PLSCR3: variants seen among roughly 807,000 people sequenced by gnomAD.
PLSCR3 encodes PL scramblase 3.
PLSCR3 carries 17 observed loss-of-function variants against 33.7 expected under a neutral mutation model. That is an observed-to-expected ratio of 0.50 (90% CI 0.35 to 0.76). The LOEUF (loss-of-function observed/expected upper bound fraction) is 0.76, where lower values mean the gene tolerates loss of function less well. Among genes scored for constraint, PLSCR3 ranks in the 30% least tolerant of loss-of-function variants. PLSCR3 has a pLI of 0.01. For synonymous variants in PLSCR3, 166 were observed against 166.0 expected (o/e 1.00, Z 0.00); for missense variants, 360 against 394.1 (o/e 0.91, Z 0.73).
rs375677967 is a variant in PLSCR3 at position 7,394,185 on chromosome 17, T to C, written c.-75A>G. The C allele has an allele frequency of 5.0e-6, 7 of 1,407,270 alleles. No homozygotes were observed. Among genetic ancestry groups the C allele is most frequent in the Non-Finnish European group, 7.0e-6 (7 of 995,536 alleles). The allele number at this position is 1,407,270 out of a possible 1,614,324, so 87.2% of individuals were successfully genotyped here. On this transcript the variant is annotated 5_prime_UTR_variant, in exon 2 of 8. Transcript: ENST00000619711. The surrounding 1 kb of genome is among the most constrained non-coding windows in gnomAD (Gnocchi z 5.3). The stretch of plus-strand genomic sequence containing the variant: ...CTGGAAGCGGAGGCAAACTCGGAGA[T>C]AGCCAGACAGACACAGAGACAGACA...
Position 7,390,746 on chromosome 17 carries a change from C to A in PLSCR3, c.719G>T (p.Trp240Leu), listed in dbSNP as rs200758933. The A allele has an allele frequency of 9.6e-5, 155 of 1,614,058 alleles. No individual in the cohort carries two copies. Among genetic ancestry groups the A allele is most frequent in the East Asian group, 2.5e-4 (11 of 44,896 alleles). ...SRSVGRISKQ[W>L]GGLVREALTD... Reference sequence around the variant, plus strand: ...GAGGGCTTCTCGGACCAGGCCCCCCCACTGCTTGCTGATGCGGCCCACACT... The same window carrying A: ...GAGGGCTTCTCGGACCAGGCCCCCCAACTGCTTGCTGATGCGGCCCACACT... The change falls in exon 7 of 8, where the codon TGG becomes TTG. Residue 240 changes from tryptophan (W) to leucine (L), a missense_variant. By Grantham distance (61) the Trp-to-Leu change is moderately conservative (BLOSUM62 -2). Transcript: ENST00000619711.
Position 7,393,124 on chromosome 17 carries a change from G to T in PLSCR3, c.507+20C>A. On this transcript the variant is annotated intron_variant, in intron 5 of 7. Coordinates refer to ENST00000619711, the MANE Select transcript of PLSCR3 (RefSeq NM_020360.4). ...CCGCCCCACCAAGGCCCGCCCTCCC[G>T]GCCCCCTCCCTCCGCCCACCTCCTG... 1.0e-5 allele frequency: 4 copies of T among 381,352 alleles called. No individual in the cohort carries two copies. The highest frequency in any genetic ancestry group is 1.5e-5 in the Non-Finnish European group (4 of 264,732). 23.6% of individuals were successfully genotyped at this position (381,352 alleles called of 1,614,324 possible).
Position 7,390,330 on chromosome 17 carries a change from G to T in PLSCR3, c.*55C>A. On this transcript the variant is annotated 3_prime_UTR_variant, in exon 8 of 8. Coordinates refer to ENST00000619711, the MANE Select transcript of PLSCR3 (RefSeq NM_020360.4). ...GCTGCCCAGAGGAGGGGCCAGGGCA[G>T]GTGACCATCTGGAGTTCTGGTCGAG... 1 of 1,359,240 alleles carries T rather than the reference G, an allele frequency of 7.4e-7. No individual in the cohort carries two copies. Among genetic ancestry groups the T allele is most frequent in the Non-Finnish European group, 1.0e-6 (1 of 986,646 alleles). 84.2% of individuals were successfully genotyped at this position (1,359,240 alleles called of 1,614,324 possible). A position where few individuals can be genotyped will look rare whatever the true frequency, so the allele number is the denominator to read the frequency against.
In PLSCR3 at chr17:7,391,923, C is replaced by T. The variant is rs1175887353; in HGVS notation, c.669+868G>A. On this transcript the variant is annotated intron_variant, in intron 6 of 7. Transcript: ENST00000619711. This position sits in a 1 kb window ranked among gnomAD's most constrained non-coding sequence, Gnocchi z 4.1. ...AGGGTCGGTCAGGTGCGGTGGCTCACGCCTGTAATCCCAGCACTTTGGGAG... is the reference window on the plus strand; with the variant it reads ...AGGGTCGGTCAGGTGCGGTGGCTCATGCCTGTAATCCCAGCACTTTGGGAG... 6.6e-6 allele frequency among the ~76,000 whole-genome samples: 1 copy of T among 152,206 alleles called. No individual in the cohort carries two copies. The highest frequency in any genetic ancestry group is 1.5e-5 in the Non-Finnish European group (1 of 68,040).
At chr17:7,393,427 C>T in intron 4 of PLSCR3, 40 bp downstream of exon 4, 20 of 1,613,624 alleles carry the variant, frequency 1.2e-5, no homozygotes, top group Non-Finnish European at 1.4e-5. Context: ...ACCATCCGGG[C>T]CACCATCATG....
chr17:7,390,853 C>T, intron 6 of PLSCR3, 58 bp from the exon 7 acceptor site: 1 of 1,566,938 alleles, frequency 6.4e-7, no homozygotes, highest in Non-Finnish European at 8.8e-7. Flanking sequence ...GTCTCACCTG[C>T]TCCAGTCTCA....
In PLSCR3 at chr17:7,391,465, C is replaced by T. The variant is rs1905691564; in HGVS notation, c.670-670G>A. 6.6e-6 allele frequency among the ~76,000 whole-genome samples: 1 copy of T among 152,218 alleles called. No individual in the cohort carries two copies. Among genetic ancestry groups the T allele is most frequent in the Admixed American group, 6.5e-5 (1 of 15,284 alleles). ...TCTCTGAGCCACACAGCAACAGGCT[C>T]TGCTGATGTGGGTAGTTACTCCCCG... On this transcript the variant is annotated intron_variant, in intron 6 of 7. Transcript: ENST00000619711. This position sits in a 1 kb window ranked among gnomAD's most constrained non-coding sequence, Gnocchi z 4.1.
Position 7,390,768 on chromosome 17 carries a change from CA to C in PLSCR3, c.696del (p.Ser232ArgfsTer33). On this transcript the variant is annotated frameshift_variant, in exon 7 of 8. Transcript: ENST00000619711. LOFTEE classifies it high-confidence loss of function. ...FEVKTRDESR[S>X]VGRISKQWGG... ...CCCCACTGCTTGCTGATGCGGCCCA[CA>C]CTGCGGGATTCATCCCGAGTCTTCA... is the stretch of plus-strand genomic sequence containing the variant. The C allele has an allele frequency of 6.2e-7, 1 of 1,614,146 alleles. No homozygotes were observed. The highest frequency in any genetic ancestry group is 2.2e-5 in the East Asian group (1 of 44,876).
Position 7,392,859 on chromosome 17 carries a change from G to A in PLSCR3, c.601C>T (p.Arg201Cys), listed in dbSNP as rs571730152. Residue 201 changes from arginine (R) to cysteine (C), a missense_variant, in exon 6 of 8, where the codon CGC becomes TGC. By Grantham distance (180) the Arg-to-Cys change is radical. Transcript: ENST00000619711. The part of the protein sequence containing the change: ...LPKFSIQDAD[R>C]QTVLRVVGPC... ...CCCACCACTCGCAAGACTGTCTGGC[G>A]ATCGGCATCCTGGATGGAGAACTTG... is the stretch of plus-strand genomic sequence containing the variant. 6 of 1,614,128 alleles carry A rather than the reference G, an allele frequency of 3.7e-6. No homozygotes were observed. Among genetic ancestry groups the A allele is most frequent in the Admixed American group, 1.7e-5 (1 of 60,028 alleles).
At chr17:7,390,473 G>A (rs752135002) in intron 7 of PLSCR3, 32 bp from the exon 8 acceptor site, 30 of 1,584,130 alleles carry the variant, frequency 1.9e-5, no homozygotes, top group South Asian at 4.5e-5. Context: ...TGGGAGATCC[G>A]GCTGGGCCAG....
At chr17:7,393,112 G>GGCCCCCCCCCCCCCCCCCC in intron 5 of PLSCR3, 32 bp downstream of exon 5, 1 of 1,256,048 alleles carries the variant, frequency 8.0e-7, no homozygotes, top group Non-Finnish European at 1.1e-6. Context: ...CCCCACCAAG[G>GGCCCCCCCCCCCCCCCCCC]CCCGCCCTCC....
At position 7,393,584 on chromosome 17, in the gene PLSCR3, C is replaced by G. The variant is rs766969335; in HGVS notation, c.243+17G>C. 1.2e-6 allele frequency: 2 copies of G among 1,613,400 alleles called. No homozygotes were observed. ...AAGTCCCCTCCCAGTCATCCTCCCTCCCTCCTTCCCACTCACCTGCACCAG... is the reference window on the plus strand; with the variant it reads ...AAGTCCCCTCCCAGTCATCCTCCCTGCCTCCTTCCCACTCACCTGCACCAG... On this transcript the variant is annotated intron_variant, in intron 3 of 7. Coordinates refer to ENST00000619711, the MANE Select transcript of PLSCR3 (RefSeq NM_020360.4).
In PLSCR3 at chr17:7,390,621, G is replaced by A. The variant is rs1307873468; in HGVS notation, c.831+13C>T. 2 of 1,613,502 alleles carry A rather than the reference G, an allele frequency of 1.2e-6. No individual in the cohort carries two copies. The highest frequency in any genetic ancestry group is 1.7e-6 in the Non-Finnish European group (2 of 1,179,504). ...GGACAGGCAGGAGGTGGGGGCAGGGGCAGCCAACTCACAATGAGGAATGTG... is the reference window on the plus strand; with the variant it reads ...GGACAGGCAGGAGGTGGGGGCAGGGACAGCCAACTCACAATGAGGAATGTG... On this transcript the variant is annotated intron_variant, in intron 7 of 7. Coordinates refer to ENST00000619711, the MANE Select transcript of PLSCR3 (RefSeq NM_020360.4).
Position 7,390,424 on chromosome 17 carries a change from C to A in PLSCR3, c.849G>T (p.Glu283Asp). 1 of 1,572,538 alleles carries A rather than the reference C, an allele frequency of 6.4e-7. No homozygotes were observed. The highest frequency in any genetic ancestry group is 1.9e-5 in the Admixed American group (1 of 53,146). ...CAGAGGGCCCAGCGCCTCCTCGCTT[C>A]TCAAAGAACATGTAGTCCTAAGAGG... is the stretch of plus-strand genomic sequence containing the variant. ...ATFLIDYMFF[E>D]KRGGAGPSAV... Residue 283 changes from glutamate to aspartate, a missense_variant, in exon 8 of 8, where the codon GAG (glutamate) becomes GAT (aspartate). Coordinates refer to ENST00000619711, the MANE Select transcript of PLSCR3 (RefSeq NM_020360.4).
chr17:7,390,612 G>C (rs1465309631), intron 7 of PLSCR3, 22 bp downstream of exon 7: 1 of 1,612,904 alleles, frequency 6.2e-7, no homozygotes. Context: ...GCAGGAGGTG[G>C]GGGCAGGGGC....
In PLSCR3 at chr17:7,390,750, GC is replaced by G. The variant is rs1425914704; in HGVS notation, c.714del (p.Lys238AsnfsTer27). 1.2e-6 allele frequency: 2 copies of G among 1,614,030 alleles called. No homozygotes were observed. The highest frequency in any genetic ancestry group is 1.7e-6 in the Non-Finnish European group (2 of 1,180,040). On this transcript the variant is annotated frameshift_variant, in exon 7 of 8. Transcript: ENST00000619711. LOFTEE classifies it high-confidence loss of function. ...DESRSVGRIS[K>X]QWGGLVREAL... ...GCTTCTCGGACCAGGCCCCCCCACT[GC>G]TTGCTGATGCGGCCCACACTGCGGG...
In PLSCR3 at chr17:7,390,640, G is replaced by C; in HGVS notation, c.825C>G (p.Phe275Leu). 1 of 1,613,984 alleles carries C rather than the reference G, an allele frequency of 6.2e-7. No individual in the cohort carries two copies. Among genetic ancestry groups the C allele is most frequent in the Non-Finnish European group, 8.5e-7 (1 of 1,179,864 alleles). ...GCAGGGGCAGCCAACTCACAATGAG[G>C]AATGTGGCTCCCAGCAGCACAGCCT... ...RVKAVLLGAT[F>L]LIDYMFFEKR... Residue 275 changes from phenylalanine (F) to leucine (L), a missense_variant, in exon 7 of 8, where the codon TTC becomes TTG. Phe to Leu is a conservative substitution (Grantham distance 22, BLOSUM62 0). Coordinates refer to ENST00000619711, the MANE Select transcript of PLSCR3 (RefSeq NM_020360.4).
In PLSCR3 at chr17:7,390,707, T is replaced by C. The variant is rs1221491105; in HGVS notation, c.758A>G (p.Asp253Gly). ...GTCCAGCGGGAACTGTAGGCCAAAG[T>C]CATCTGCATCTGTGAGGGCTTCTCG... ...LVREALTDAD[D>G]FGLQFPLDLD... Residue 253 changes from aspartate (D) to glycine (G), a missense_variant, in exon 7 of 8, where the codon GAC (aspartate) becomes GGC (glycine). Physicochemically the swap from Asp to Gly is moderately conservative, Grantham distance 94. Transcript: ENST00000619711. The C allele has an allele frequency of 3.1e-6, 5 of 1,614,004 alleles. No individual in the cohort carries two copies. The highest frequency in any genetic ancestry group is 4.2e-6 in the Non-Finnish European group (5 of 1,180,014).
At position 7,394,233 on chromosome 17, in the gene PLSCR3, C is replaced by A; in HGVS notation, c.-123G>T. On this transcript the variant is annotated 5_prime_UTR_variant, in exon 2 of 8. Transcript: ENST00000619711. The surrounding 1 kb of genome is among the most constrained non-coding windows in gnomAD (Gnocchi z 5.3). Reference sequence around the variant, plus strand: ...ACACAAAGACGGAGAGGCAGCTGCGCCCGGCGCCGGCCCAGGGTCTCTTGG... The same window carrying A: ...ACACAAAGACGGAGAGGCAGCTGCGACCGGCGCCGGCCCAGGGTCTCTTGG... The A allele has an allele frequency of 2.2e-6, 2 of 923,836 alleles. No homozygotes were observed. The highest frequency in any genetic ancestry group is 3.4e-6 in the Non-Finnish European group (2 of 596,434). 57.2% of individuals were successfully genotyped at this position (923,836 alleles called of 1,614,324 possible).
Sources: gnomAD v4.1 joint callset for allele counts (sites outside exome capture counted in the v4.1 genomes callset) on GRCh38, gnomAD v4.1.1 for gene constraint, Gnocchi (gnomAD v3.1) non-coding constraint, MANE v1.5 for transcripts, NCBI Gene and HGNC (gene_info 2026-07-23, HGNC 2026-07-21) for gene names.